TMEM132D: variants seen among roughly 807,000 people sequenced by gnomAD.
TMEM132D encodes the protein mature OL transmembrane protein.
A neutral mutation model predicts 62.3 loss-of-function variants in TMEM132D; 21 were observed. The ratio of observed to expected loss-of-function variants is 0.34; its 90% CI spans 0.24 to 0.49. The LOEUF is 0.49. Among genes scored for constraint, TMEM132D ranks in the 20% least tolerant of loss-of-function variants. The pLI, the probability that TMEM132D is intolerant of heterozygous loss-of-function variation, is 0.99. For synonymous variants in TMEM132D, 621 were observed against 575.6 expected (o/e 1.08, Z -1.13); for missense variants, 1,346 against 1,402.8 (o/e 0.96, Z 0.65).
At chr12:129,785,217 G>A (rs182729144) in intron 1 of TMEM132D, among the ~76,000 whole-genome samples, 14 of 152,210 alleles carry the variant, frequency 9.2e-5, no homozygotes, top group Admixed American at 5.2e-4. Flanking sequence ...ACAGCGCCCT[G>A]GCCTTCAGGG....
intron 4 of TMEM132D, among the ~76,000 whole-genome samples, chr12:129,266,624 C>T (rs955016302): frequency 1.3e-5 from 2 of 149,602 alleles, no homozygotes; most frequent in Non-Finnish European, 3.0e-5. Flanking sequence ...CTCTCCTCTC[C>T]TCTCTCTGTG....
At position 129,074,881 on chromosome 12, in the gene TMEM132D, G is replaced by C. The variant is rs1375786103; in HGVS notation, c.2294C>G (p.Thr765Ser). The stretch of plus-strand genomic sequence containing the variant: ...AATAACCATTTCCACCTTGACCAGG[G>C]TGCCTTGTCCTTCTGTTTCCGCAGC... ...IIAAETEGQG[T>S]LVKVEMVISE... Residue 765 changes from threonine to serine, a missense_variant, in exon 9 of 9, where the codon ACC becomes AGC. Coordinates refer to ENST00000422113, the MANE Select transcript of TMEM132D (RefSeq NM_133448.3). 1.2e-6 allele frequency: 2 copies of C among 1,613,866 alleles called. 1 individual carries two copies. The highest frequency in any genetic ancestry group is 2.2e-5 in the South Asian group (2 of 91,036).
At chr12:129,694,833 C>A (rs1228734270) in intron 2 of TMEM132D, among the ~76,000 whole-genome samples, 1 of 152,222 alleles carries the variant, frequency 6.6e-6, no homozygotes, top group Admixed American at 6.5e-5. Flanking sequence ...AAGGTGAAAC[C>A]CCGTCTCTAC....
rs752426785 is a variant in TMEM132D, at chr12:129,817,298, GACC to G, written c.79+85960_79+85962del. Among the ~76,000 whole-genome samples, 3 of 152,180 alleles carry G rather than the reference GACC, an allele frequency of 2.0e-5. No individual in the cohort carries two copies. The South Asian group carries it at 6.2e-4, about 32-fold the overall frequency. ...TGTGCAGATGATGTCTTTCTGCAAG[GACC>G]AAGGAACTGAGCATTTGACCAGGTC... On this transcript the variant is annotated intron_variant, in intron 1 of 8. Transcript: ENST00000422113.
intron 2 of TMEM132D, among the ~76,000 whole-genome samples, chr12:129,535,993 C>T (rs1344825568): frequency 3.3e-5 from 5 of 152,180 alleles, no homozygotes; most frequent in South Asian, 2.1e-4. Flanking sequence ...ATCAGCTATC[C>T]GCAGGCTAAT....
chr12:129,752,829 G>C (rs1870042915), intron 1 of TMEM132D, among the ~76,000 whole-genome samples: 1 of 152,150 alleles, frequency 6.6e-6, no homozygotes. Flanking sequence ...CATTCCACTG[G>C]GGACTGGCTC....
chr12:129,578,705 C>T (rs1352980918), intron 2 of TMEM132D, among the ~76,000 whole-genome samples: 3 of 151,990 alleles, frequency 2.0e-5, no homozygotes, highest in Non-Finnish European at 2.9e-5. Flanking sequence ...CTAATGGTGT[C>T]GTTTCTGGGC....
chr12:129,781,361 A>T (rs1255209849), intron 1 of TMEM132D, among the ~76,000 whole-genome samples: 1 of 152,218 alleles, frequency 6.6e-6, no homozygotes, highest in Non-Finnish European at 1.5e-5. Context: ...ATGGTCAGGT[A>T]TGAGACATGT....
intron 3 of TMEM132D, among the ~76,000 whole-genome samples, chr12:129,423,981 T>C (rs1205190585): frequency 1.3e-5 from 2 of 152,226 alleles, no homozygotes; most frequent in African/African-American, 4.8e-5. Context: ...TTGACATTTT[T>C]AGAAAATGAC....
chr12:129,429,112 GTTACTCACTGTAGTCCAAAATCCTTC>G (rs1872577810), intron 3 of TMEM132D, among the ~76,000 whole-genome samples: 3 of 96,034 alleles, frequency 3.1e-5, no homozygotes, highest in African/African-American at 2.8e-5. Context: ...AGTCCTTCAA[GTTACTCACTGTAGTCCAAAATCCTTC>G]AAGTTACTCA....
In TMEM132D at chr12:129,087,895, G is replaced by A. The variant is rs757658897; in HGVS notation, c.1444-3193C>T. Among the ~76,000 whole-genome samples the A allele has an allele frequency of 4.2e-3, 494 of 117,976 alleles. 17 individuals are homozygous for A. Among genetic ancestry groups the A allele is most frequent in the African/African-American group, 0.014 (387 of 27,346 alleles). The allele number at this position is 117,976 out of a possible 152,430, so 77.4% of individuals were successfully genotyped here. On this transcript the variant is annotated intron_variant, in intron 5 of 8. Transcript: ENST00000422113. ...ACCGGGTGTCCTCCCTGACCGGGGT[G>A]TCCTCCCTGACCGGGGTGTCCTCCC...
chr12:129,395,995 T>C (rs868320779), intron 3 of TMEM132D, among the ~76,000 whole-genome samples: 10 of 147,202 alleles, frequency 6.8e-5, no homozygotes, highest in Middle Eastern at 7.3e-3. Flanking sequence ...TTATATAAAG[T>C]ATATAATATA....
At chr12:129,215,572 C>G (rs1377759496) in intron 4 of TMEM132D, among the ~76,000 whole-genome samples, 1 of 152,182 alleles carries the variant, frequency 6.6e-6, no homozygotes, top group African/African-American at 2.4e-5. Flanking sequence ...GCCCACTAGG[C>G]ACAGATAATG....
At chr12:129,799,269 G>A (rs774325948) in intron 1 of TMEM132D, among the ~76,000 whole-genome samples, 5 of 151,970 alleles carry the variant, frequency 3.3e-5, no homozygotes, top group Non-Finnish European at 2.9e-5. Flanking sequence ...CAACAAGAGC[G>A]AGACTCCGTC....
intron 5 of TMEM132D, among the ~76,000 whole-genome samples, chr12:129,155,190 T>A (rs140155956): frequency 6.6e-6 from 1 of 152,356 alleles, no homozygotes; most frequent in East Asian, 1.9e-4. Flanking sequence ...AGGAACTCAC[T>A]AATACCATAT....
intron 1 of TMEM132D, among the ~76,000 whole-genome samples, chr12:129,769,161 C>T (rs1443761172): frequency 6.6e-6 from 1 of 152,052 alleles, no homozygotes; most frequent in Non-Finnish European, 1.5e-5. Flanking sequence ...AGTTGGTGCC[C>T]CCTCCCCTAG....
chr12:129,367,568 A>G (rs1870456619), intron 3 of TMEM132D, among the ~76,000 whole-genome samples: 2 of 152,176 alleles, frequency 1.3e-5, no homozygotes, highest in South Asian at 4.2e-4. Flanking sequence ...GGTCTTCTTC[A>G]GGTGTGACGG....
intron 5 of TMEM132D, among the ~76,000 whole-genome samples, chr12:129,154,970 C>A (rs1295478123): frequency 1.3e-5 from 2 of 152,160 alleles, no homozygotes; most frequent in Non-Finnish European, 2.9e-5. Flanking sequence ...ATTACAGGAT[C>A]AAGATCAGGA....
At chr12:129,710,438 G>C (rs1881612286) in intron 1 of TMEM132D, among the ~76,000 whole-genome samples, 1 of 152,012 alleles carries the variant, frequency 6.6e-6, no homozygotes, top group Non-Finnish European at 1.5e-5. Flanking sequence ...TGGGATTACA[G>C]GTGCCTGCCA....
Sources: gnomAD v4.1 joint callset for allele counts (sites outside exome capture counted in the v4.1 genomes callset) on GRCh38, gnomAD v4.1.1 for gene constraint, MANE v1.5 for transcripts, NCBI Gene and HGNC (gene_info 2026-07-23, HGNC 2026-07-21) for gene names.